The following HPSE2 variants were observed in gnomAD, a reference collection of about 807,000 sequenced individuals.
HPSE2 encodes the protein inactive heparanase-2.
In HPSE2, 38 loss-of-function variants were observed where a neutral mutation model predicts 60.5. The ratio of observed to expected loss-of-function variants is 0.63; its 90% CI spans 0.48 to 0.82. The LOEUF (loss-of-function observed/expected upper bound fraction) is 0.82. HPSE2 is among the 40% of genes least tolerant of loss of function. HPSE2 has a pLI of 0.00. For synonymous variants in HPSE2, 295 were observed against 293.2 expected, an observed-to-expected ratio of 1.01 and a Z score of -0.06; for missense variants, 713 against 740.4, an observed-to-expected ratio of 0.96 and a Z score of 0.43.
intron 3 of HPSE2, among the ~76,000 whole-genome samples, chr10:99,039,494 T>C (rs998695340): frequency 1.3e-5 from 2 of 150,900 alleles, no homozygotes; most frequent in Admixed American, 1.3e-4. Context: ...TGAAGACTAT[T>C]AGGATATTAA....
Position 99,169,504 on chromosome 10 carries a change from C to CAAAAAAA in HPSE2, c.449-25112_449-25106dup, listed in dbSNP as rs562946052. On this transcript the variant is annotated intron_variant, in intron 2 of 11. Coordinates refer to ENST00000370552, the MANE Select transcript of HPSE2 (RefSeq NM_021828.5). ...TGGGTGACAGAGCAAGACTCCGTCT[C>CAAAAAAA]AAAAAAAAAAAAAAAAAAAAAAAAA... 2.9e-4 allele frequency among the ~76,000 whole-genome samples: 16 copies of CAAAAAAA among 54,724 alleles called. 2 individuals carry two copies. Among genetic ancestry groups the CAAAAAAA allele is most frequent in the South Asian group, 1.0e-3 (1 of 986 alleles). The allele number at this position is 54,724 out of a possible 152,430, so 35.9% of individuals were successfully genotyped here. A position where few individuals can be genotyped will look rare whatever the true frequency, so the allele number is the denominator to read the frequency against.
At chr10:98,867,274 G>T (rs1952611491) in intron 3 of HPSE2, among the ~76,000 whole-genome samples, 1 of 149,384 alleles carries the variant, frequency 6.7e-6, no homozygotes, top group African/African-American at 2.5e-5. Flanking sequence ...AATATATAAG[G>T]AACTCAAACA....
chr10:98,690,631 T>C (rs936549342), intron 6 of HPSE2, among the ~76,000 whole-genome samples: 2 of 152,162 alleles, frequency 1.3e-5, no homozygotes, highest in African/African-American at 2.4e-5. Flanking sequence ...CTTTCAAAGG[T>C]TGAATACTTT....
intron 6 of HPSE2, among the ~76,000 whole-genome samples, chr10:98,645,964 G>A (rs1368731139): frequency 6.6e-6 from 1 of 152,198 alleles, no homozygotes; most frequent in Non-Finnish European, 1.5e-5. Context: ...AACAGAGCAA[G>A]ACTAGGTCTC....
At chr10:98,726,075 G>A (rs1239337485) in intron 4 of HPSE2, among the ~76,000 whole-genome samples, 1 of 152,188 alleles carries the variant, frequency 6.6e-6, no homozygotes, top group African/African-American at 2.4e-5. Flanking sequence ...AAGTTGGTGT[G>A]GCAATTCCTC....
intron 9 of HPSE2, among the ~76,000 whole-genome samples, chr10:98,568,240 G>A (rs1333309725): frequency 1.3e-5 from 2 of 152,168 alleles, no homozygotes; most frequent in Non-Finnish European, 2.9e-5. Context: ...AATGAGTCCT[G>A]GGTGAAGTCC....
chr10:98,720,198 G>A (rs572692965), intron 5 of HPSE2, among the ~76,000 whole-genome samples: 14 of 152,056 alleles, frequency 9.2e-5, no homozygotes, highest in South Asian at 2.1e-4. Flanking sequence ...ACTTAATAAC[G>A]AATTGAGTGT....
intron 9 of HPSE2, among the ~76,000 whole-genome samples, chr10:98,587,300 T>C (rs1944966088): frequency 6.6e-6 from 1 of 152,154 alleles, no homozygotes; most frequent in Non-Finnish European, 1.5e-5. Context: ...CACACGCTGA[T>C]TGAAAGCCTA....
intron 3 of HPSE2, among the ~76,000 whole-genome samples, chr10:99,132,153 GAA>G (rs1265820877): frequency 1.5e-4 from 1 of 6,848 alleles, no homozygotes; most frequent in Non-Finnish European, 4.2e-4. Context: ...AAGGAAGAAA[GAA>G]AGAAAGAAAG....
chr10:98,902,736 T>A (rs1365291748), intron 3 of HPSE2, among the ~76,000 whole-genome samples: 1 of 152,144 alleles, frequency 6.6e-6, no homozygotes, highest in Non-Finnish European at 1.5e-5. Flanking sequence ...AAACCCTACA[T>A]ACAAATAATA....
chr10:99,143,769 G>A (rs1845949989), intron 3 of HPSE2, among the ~76,000 whole-genome samples: 1 of 152,138 alleles, frequency 6.6e-6, no homozygotes, highest in Non-Finnish European at 1.5e-5. Context: ...CAGTCTCATA[G>A]CCTCTTTGCT....
intron 3 of HPSE2, among the ~76,000 whole-genome samples, chr10:99,021,259 T>C (rs1589529738): frequency 6.6e-6 from 1 of 152,304 alleles, no homozygotes; most frequent in East Asian, 1.9e-4. Flanking sequence ...ATTGAGCACT[T>C]AGTATGTAAG....
At chr10:98,837,403 G>A (rs184867738) in intron 3 of HPSE2, among the ~76,000 whole-genome samples, 2 of 152,250 alleles carry the variant, frequency 1.3e-5, no homozygotes, top group Non-Finnish European at 2.9e-5. Flanking sequence ...TCAAAGAATG[G>A]GGCAGGCATC....
rs577836125 is a variant in HPSE2, at chr10:98,709,441, T to C, written c.956+12216A>G. Among the ~76,000 whole-genome samples the C allele has an allele frequency of 9.8e-5, 15 of 152,316 alleles. No individual in the cohort carries two copies. The South Asian group carries it at 2.7e-3, about 27-fold the overall frequency. ...GGTTTTCCAAGGTTGGATGTTTCCA[T>C]AGCTGAATTATGGTGACAGAAATCT... On this transcript the variant is annotated intron_variant, in intron 5 of 11. Coordinates refer to ENST00000370552, the MANE Select transcript of HPSE2 (RefSeq NM_021828.5).
At chr10:99,296,450 T>C in the HPSE2 span, among the ~76,000 whole-genome samples, 1 of 152,224 alleles carries the variant, frequency 6.6e-6, no homozygotes, top group Non-Finnish European at 1.5e-5. Flanking sequence ...AATTTCTGCA[T>C]CAACCACCCC....
intron 3 of HPSE2, among the ~76,000 whole-genome samples, chr10:98,927,429 T>C (rs1337236108): frequency 1.3e-5 from 2 of 150,736 alleles, no homozygotes; most frequent in African/African-American, 4.9e-5. Context: ...AATTTATAGA[T>C]TCAATGCCAT....
chr10:99,091,436 G>A (rs1843509600), intron 3 of HPSE2, among the ~76,000 whole-genome samples: 1 of 152,128 alleles, frequency 6.6e-6, no homozygotes, highest in African/African-American at 2.4e-5. Flanking sequence ...TAGACTCTAT[G>A]TCCATGATTA....
chr10:98,828,179 T>C (rs1387534519), intron 3 of HPSE2, among the ~76,000 whole-genome samples: 1 of 152,242 alleles, frequency 6.6e-6, no homozygotes, highest in African/African-American at 2.4e-5. Context: ...ACATAGTCTA[T>C]TGGTTCTGTT....
chr10:99,101,633 C>T (rs1843994691), intron 3 of HPSE2, among the ~76,000 whole-genome samples: 1 of 152,170 alleles, frequency 6.6e-6, no homozygotes, highest in South Asian at 2.1e-4. Context: ...ACCAAGTGGA[C>T]CTAATAGACA....
Sources: allele counts gnomAD v4.1 joint callset (sites outside exome capture counted in the v4.1 genomes callset), GRCh38; gene constraint gnomAD v4.1.1; transcripts MANE v1.5; gene names NCBI Gene and HGNC (gene_info 2026-07-23, HGNC 2026-07-21).